Variants in PLXNA4 observed in about 807,000 individuals in gnomAD.
The protein encoded by PLXNA4 is plexin A4.
In PLXNA4, 44 loss-of-function variants were observed where a neutral mutation model predicts 191.8. The ratio of observed to expected loss-of-function variants is 0.23; its 90% CI spans 0.18 to 0.29. PLXNA4 has a LOEUF of 0.29. Among genes scored for constraint, PLXNA4 ranks in the 10% least tolerant of loss-of-function variants. The pLI is 1.00. For synonymous variants in PLXNA4, 1,082 were observed against 1,009.5 expected (o/e 1.07, Z -1.36); for missense variants, 1,800 against 2,488.8 (o/e 0.72, Z 5.89).
In PLXNA4 at chr7:132,148,662, T is replaced by C. The variant is rs1795504846; in HGVS notation, c.4661-16A>G. On this transcript the variant is annotated splice_polypyrimidine_tract_variant and intron_variant, in intron 25 of 31. Coordinates refer to ENST00000321063, the MANE Select transcript of PLXNA4 (RefSeq NM_020911.2). ...TGTCGCCACTCTGCCAAAAGAGCGG[T>C]GGCGTTTCAGAGAGGCCCTATGACC... 6.2e-7 allele frequency: 1 copy of C among 1,613,960 alleles called. No individual in the cohort carries two copies. The highest frequency in any genetic ancestry group is 1.7e-5 in the Admixed American group (1 of 59,994).
intron 3 of PLXNA4, among the ~76,000 whole-genome samples, chr7:132,451,724 T>C (rs1796129484): frequency 6.6e-6 from 1 of 152,158 alleles, no homozygotes; most frequent in African/African-American, 2.4e-5. Context: ...CGGACTCCCA[T>C]GAGACTCCAA....
chr7:132,628,684 TTCCTC>T (rs1803432547), intron 2 of PLXNA4, among the ~76,000 whole-genome samples: 1 of 152,168 alleles, frequency 6.6e-6, no homozygotes, highest in East Asian at 1.9e-4. Flanking sequence ...TTTCTAGACT[TTCCTC>T]AACTCTGTCT....
intron 3 of PLXNA4, among the ~76,000 whole-genome samples, chr7:132,390,361 G>C (rs1805350970): frequency 6.6e-6 from 1 of 151,994 alleles, no homozygotes; most frequent in African/African-American, 2.4e-5. Flanking sequence ...AGTGGGAGTT[G>C]AACAATGAGA....
At chr7:132,261,209 G>A (rs908010078) in intron 4 of PLXNA4, among the ~76,000 whole-genome samples, 1 of 152,202 alleles carries the variant, frequency 6.6e-6, no homozygotes, top group Admixed American at 6.5e-5. Context: ...CCAGTACTGG[G>A]GCTGCTGCAA....
chr7:132,498,596 GC>G (rs1207628803), intron 2 of PLXNA4, among the ~76,000 whole-genome samples: 2 of 152,164 alleles, frequency 1.3e-5, no homozygotes, highest in African/African-American at 2.4e-5. Context: ...TGGGGACATA[GC>G]CAAACCATGA....
chr7:132,181,766 C>G, intron 17 of PLXNA4, 146 bp from the exon 18 acceptor site: 6 of 1,422,666 alleles, frequency 4.2e-6, no homozygotes, highest in Non-Finnish European at 5.6e-6. Flanking sequence ...CACAATTGGG[C>G]ACTCAAGGAA....
intron 4 of PLXNA4, among the ~76,000 whole-genome samples, chr7:132,267,085 G>T (rs1364512): frequency 0.65 from 98,178 of 152,084 alleles, 33,681 homozygotes; most frequent in African/African-American, 0.89. Flanking sequence ...TGGGGTCTGA[G>T]GAATACATAA....
intron 9 of PLXNA4, among the ~76,000 whole-genome samples, chr7:132,218,171 G>A (rs888690600): frequency 6.6e-6 from 1 of 152,184 alleles, no homozygotes; most frequent in Non-Finnish European, 1.5e-5. Context: ...CGGCTCTTCA[G>A]TCCTGGAGAG....
rs1008467616 is a variant in PLXNA4, at chr7:132,521,267, G to A, written c.-86-12488C>T. On this transcript the variant is annotated intron_variant, in intron 1 of 31. Coordinates refer to ENST00000321063, the MANE Select transcript of PLXNA4 (RefSeq NM_020911.2). The stretch of plus-strand genomic sequence containing the variant: ...CTACCTGAGAATATGTAAGGGGGTA[G>A]CAGAATAGAGGATTTTAGGACATAA... Among the ~76,000 whole-genome samples, 5 of 151,338 alleles carry A rather than the reference G, an allele frequency of 3.3e-5. 1 individual carries two copies. The highest frequency in any genetic ancestry group is 9.7e-5 in the African/African-American group (4 of 41,118).
intron 3 of PLXNA4, among the ~76,000 whole-genome samples, chr7:132,450,455 C>A (rs1796077925): frequency 6.6e-6 from 1 of 152,146 alleles, no homozygotes; most frequent in African/African-American, 2.4e-5. Flanking sequence ...ACCGTAAATG[C>A]CTCTGACACA....
chr7:132,233,735 C>T (rs1007422827), intron 5 of PLXNA4, among the ~76,000 whole-genome samples: 1 of 152,238 alleles, frequency 6.6e-6, no homozygotes, highest in Non-Finnish European at 1.5e-5. Flanking sequence ...ACCAAGGCAA[C>T]CTGTCCCACC....
chr7:132,249,763 A>G (rs1174638082), intron 4 of PLXNA4, among the ~76,000 whole-genome samples: 2 of 152,198 alleles, frequency 1.3e-5, no homozygotes, highest in Non-Finnish European at 2.9e-5. Context: ...AACATAGTAC[A>G]GGGGATTGAG....
At chr7:132,201,978 G>A (rs966209321) in intron 12 of PLXNA4, among the ~76,000 whole-genome samples, 3 of 152,176 alleles carry the variant, frequency 2.0e-5, no homozygotes, top group Admixed American at 6.5e-5. Flanking sequence ...CAGGCCCACC[G>A]CACATGTGAG....
intron 3 of PLXNA4, among the ~76,000 whole-genome samples, chr7:132,450,988 A>G (rs1796100823): frequency 6.6e-6 from 1 of 152,220 alleles, no homozygotes; most frequent in Admixed American, 6.5e-5. Context: ...GAATAATTCC[A>G]GGTCACCCTC....
chr7:132,535,006 A>T (rs1189318012), intron 1 of PLXNA4, among the ~76,000 whole-genome samples: 1 of 152,242 alleles, frequency 6.6e-6, no homozygotes, highest in Non-Finnish European at 1.5e-5. Context: ...AGGCCTTCCT[A>T]TCAGGAGAAT....
chr7:132,586,784 G>T (rs1237948912), intron 2 of PLXNA4, among the ~76,000 whole-genome samples: 5 of 152,048 alleles, frequency 3.3e-5, no homozygotes, highest in Non-Finnish European at 5.9e-5. Context: ...TAATTAGCTG[G>T]GTGTGGTGGC....
intron 3 of PLXNA4, among the ~76,000 whole-genome samples, chr7:132,464,289 G>A (rs927126203): frequency 6.6e-6 from 1 of 152,184 alleles, no homozygotes. Flanking sequence ...CAGAGAACCT[G>A]CTAGAAATTA....
chr7:132,358,528 A>G (rs181877763), intron 3 of PLXNA4, among the ~76,000 whole-genome samples: 6 of 152,344 alleles, frequency 3.9e-5, no homozygotes, highest in African/African-American at 7.2e-5. Context: ...ATTACTTGGA[A>G]GTAATTAGCC....
At chr7:132,357,269 A>G (rs529254351) in intron 3 of PLXNA4, among the ~76,000 whole-genome samples, 27 of 152,312 alleles carry the variant, frequency 1.8e-4, no homozygotes, top group African/African-American at 6.3e-4. Flanking sequence ...CAGCCTGCTC[A>G]GCTGAGAGCG....
Sources: allele counts gnomAD v4.1 joint callset (sites outside exome capture counted in the v4.1 genomes callset), GRCh38; gene constraint gnomAD v4.1.1; transcripts MANE v1.5; gene names NCBI Gene and HGNC (gene_info 2026-07-23, HGNC 2026-07-21).